NRXN3: variants seen among roughly 807,000 people sequenced by gnomAD.
NRXN3 encodes the protein neurexin 3, also known as neurexin III.
Under a neutral mutation model 137.6 loss-of-function variants are expected in NRXN3, and 32 were observed. That is an observed-to-expected ratio of 0.23 (90% CI 0.18 to 0.31). The LOEUF (loss-of-function observed/expected upper bound fraction) is 0.31, where lower values mean the gene tolerates loss of function less well. Ranked by LOEUF, NRXN3 falls within the 10% of genes least tolerant of loss-of-function variation. The pLI, the probability that NRXN3 is intolerant of heterozygous loss-of-function variation, is 1.00. For missense variants in NRXN3, 1,574 were observed against 2,062.5 expected (o/e 0.76, Z 4.59); for synonymous variants, 798 against 784.5 (o/e 1.02, Z -0.29).
chr14:78,721,158 C>T (rs771876054), intron 8 of NRXN3, among the ~76,000 whole-genome samples: 9 of 152,150 alleles, frequency 5.9e-5, no homozygotes, highest in Non-Finnish European at 1.0e-4. Context: ...ATAATTAGTT[C>T]TGGATTCACT....
At chr14:79,449,317 C>T (rs2096124574) in intron 15 of NRXN3, among the ~76,000 whole-genome samples, 1 of 152,290 alleles carries the variant, frequency 6.6e-6, no homozygotes, top group East Asian at 1.9e-4. Context: ...GCATTTCTTG[C>T]AACCTGAGGT....
At chr14:78,255,387 C>T (rs544104144) in intron 2 of NRXN3, among the ~76,000 whole-genome samples, 35 of 152,278 alleles carry the variant, frequency 2.3e-4, no homozygotes, top group South Asian at 1.5e-3. Context: ...GTGGTCATTG[C>T]CACGTGGGCA....
intron 19 of NRXN3, among the ~76,000 whole-genome samples, chr14:79,790,280 TGAGAGAGG>T (rs1487167671): frequency 6.6e-6 from 1 of 151,668 alleles, no homozygotes; most frequent in Non-Finnish European, 1.5e-5. Flanking sequence ...TGTCACATGG[TGAGAGAGG>T]GAGAGAGGGA....
chr14:79,544,946 C>G (rs1000168402), intron 16 of NRXN3, among the ~76,000 whole-genome samples: 5 of 152,108 alleles, frequency 3.3e-5, no homozygotes, highest in Admixed American at 6.6e-5. Flanking sequence ...CTCAGATAAC[C>G]CACAATTGAG....
At chr14:78,876,896 G>T (rs909266440) in intron 10 of NRXN3, among the ~76,000 whole-genome samples, 1 of 152,086 alleles carries the variant, frequency 6.6e-6, no homozygotes, top group Non-Finnish European at 1.5e-5. Flanking sequence ...CACTCCAGGC[G>T]AGCTATATTG....
chr14:79,719,780 T>C (rs986310728), intron 19 of NRXN3, among the ~76,000 whole-genome samples: 1 of 152,138 alleles, frequency 6.6e-6, no homozygotes, highest in African/African-American at 2.4e-5. Flanking sequence ...TCAGACATGT[T>C]CTTTCTACTT....
At chr14:79,339,032 G>A (rs570300662) in intron 15 of NRXN3, among the ~76,000 whole-genome samples, 40 of 152,116 alleles carry the variant, frequency 2.6e-4, no homozygotes, top group Admixed American at 3.9e-4. Flanking sequence ...CTTTTGAAGG[G>A]GAGAAATTAA....
intron 11 of NRXN3, among the ~76,000 whole-genome samples, chr14:78,963,587 C>T (rs900462727): frequency 6.6e-6 from 1 of 152,110 alleles, no homozygotes; most frequent in Non-Finnish European, 1.5e-5. Context: ...TTTTCACAGC[C>T]TGTCTGATTT....
intron 4 of NRXN3, among the ~76,000 whole-genome samples, chr14:78,553,940 A>G (rs1402320335): frequency 6.6e-6 from 1 of 152,198 alleles, no homozygotes; most frequent in South Asian, 2.1e-4. Flanking sequence ...GTTGGAAAGA[A>G]AAGGGAAAAG....
intron 16 of NRXN3, among the ~76,000 whole-genome samples, chr14:79,510,225 G>GGTTCTC (rs1272195729): frequency 2.0e-5 from 3 of 152,186 alleles, no homozygotes; most frequent in Admixed American, 2.0e-4. Context: ...AAGATCTAGG[G>GGTTCTC]GTTCTCGGGA....
intron 15 of NRXN3, among the ~76,000 whole-genome samples, chr14:79,459,718 T>G (rs2096303368): frequency 6.6e-6 from 1 of 151,962 alleles, no homozygotes; most frequent in South Asian, 2.1e-4. Flanking sequence ...ATAAATAATA[T>G]ATACACATAG....
intron 10 of NRXN3, among the ~76,000 whole-genome samples, chr14:78,827,571 T>C (rs1422198354): frequency 6.6e-6 from 1 of 152,260 alleles, no homozygotes; most frequent in East Asian, 1.9e-4. Context: ...AGTGAAACAC[T>C]TGCTGAGGCC....
At chr14:78,362,317 A>G (rs540070017) in intron 4 of NRXN3, among the ~76,000 whole-genome samples, 2 of 151,232 alleles carry the variant, frequency 1.3e-5, no homozygotes, top group East Asian at 1.9e-4. Context: ...TTTTTTTTCA[A>G]CTGGGGTTAG....
intron 15 of NRXN3, among the ~76,000 whole-genome samples, chr14:79,103,983 A>T (rs1241152610): frequency 2.0e-5 from 3 of 152,148 alleles, no homozygotes; most frequent in African/African-American, 7.2e-5. Flanking sequence ...CACACATATG[A>T]ATAGATTCAT....
intron 10 of NRXN3, among the ~76,000 whole-genome samples, chr14:78,884,446 C>T (rs983089866): frequency 6.6e-5 from 10 of 152,102 alleles, no homozygotes; most frequent in African/African-American, 2.4e-4. Flanking sequence ...CTTCCAACTT[C>T]CTCCTAAGGG....
chr14:78,285,346 G>A (rs1331155682), intron 3 of NRXN3, among the ~76,000 whole-genome samples: 1 of 152,058 alleles, frequency 6.6e-6, no homozygotes, highest in Non-Finnish European at 1.5e-5. Flanking sequence ...AAATTGTTGA[G>A]CTTGTATTTT....
At chr14:79,255,080 G>A (rs1186333771) in intron 15 of NRXN3, among the ~76,000 whole-genome samples, 2 of 152,118 alleles carry the variant, frequency 1.3e-5, no homozygotes, top group Non-Finnish European at 1.5e-5. Context: ...AATTAAAGAC[G>A]ACACAATGAC....
chr14:78,497,583 C>CATCA (rs2153766181), intron 4 of NRXN3, among the ~76,000 whole-genome samples: 1 of 94,824 alleles, frequency 1.1e-5, no homozygotes, highest in Non-Finnish European at 2.0e-5. Flanking sequence ...TCTGTCCATT[C>CATCA]ATCCATCCAT....
chr14:78,197,866 C>T (rs866848787), intron 1 of NRXN3, among the ~76,000 whole-genome samples: 1 of 152,222 alleles, frequency 6.6e-6, no homozygotes, highest in African/African-American at 2.4e-5. Context: ...TCTCCTGACA[C>T]CTTCTACTTT....
Sources: gnomAD v4.1 joint callset for allele counts (sites outside exome capture counted in the v4.1 genomes callset) on GRCh38, gnomAD v4.1.1 for gene constraint, MANE v1.5 for transcripts, NCBI Gene and HGNC (gene_info 2026-07-23, HGNC 2026-07-21) for gene names.